Variants in PARD3 observed in about 807,000 individuals in gnomAD.
PARD3 encodes the protein partitioning defective 3 homolog.
In PARD3, 75 loss-of-function variants were observed where a neutral mutation model predicts 155.4. The observed-to-expected ratio is 0.48, with a 90% confidence interval of 0.40 to 0.58. The LOEUF (loss-of-function observed/expected upper bound fraction) is 0.58, where lower values mean the gene tolerates loss of function less well. Among genes scored for constraint, PARD3 ranks in the 20% least tolerant of loss-of-function variants. The pLI is 0.00. For synonymous variants in PARD3, 576 were observed against 610.5 expected (o/e 0.94, Z 0.83); for missense variants, 1,642 against 1,721.7 (o/e 0.95, Z 0.82).
intron 22 of PARD3, among the ~76,000 whole-genome samples, chr10:34,153,925 T>C (rs1326355352): frequency 6.6e-6 from 1 of 152,194 alleles, no homozygotes; most frequent in African/African-American, 2.4e-5. Flanking sequence ...CAAGAAACAA[T>C]TAACAGAGGA....
At chr10:34,736,653 A>T (rs28732374) in intron 1 of PARD3, among the ~76,000 whole-genome samples, 2,915 of 146,302 alleles carry the variant, frequency 0.02, 59 homozygotes, top group African/African-American at 0.058. Flanking sequence ...TTAATTAATT[A>T]ATTTATTTAT....
At chr10:34,489,554 G>C (rs1429610513) in intron 3 of PARD3, among the ~76,000 whole-genome samples, 1 of 152,174 alleles carries the variant, frequency 6.6e-6, no homozygotes, top group African/African-American at 2.4e-5. Context: ...GATTAATAAA[G>C]CCATTTGGCA....
chr10:34,688,105 G>A (rs1466183694), intron 2 of PARD3, among the ~76,000 whole-genome samples: 1 of 151,972 alleles, frequency 6.6e-6, no homozygotes, highest in Non-Finnish European at 1.5e-5. Context: ...CACCCGCTTT[G>A]GCCTCCCAAA....
intron 5 of PARD3, among the ~76,000 whole-genome samples, chr10:34,417,311 A>G (rs1489645391): frequency 6.6e-6 from 1 of 152,220 alleles, no homozygotes; most frequent in Non-Finnish European, 1.5e-5. Flanking sequence ...GTATTCAGGT[A>G]AGAATGAATT....
chr10:34,401,803 A>T, intron 6 of PARD3, 23 bp downstream of exon 6: 1 of 1,470,734 alleles, frequency 6.8e-7, no homozygotes, highest in Non-Finnish European at 9.5e-7. Flanking sequence ...CTGCAAACTT[A>T]GTTGAAACCA....
At chr10:34,534,271 A>C (rs2083066332) in intron 2 of PARD3, among the ~76,000 whole-genome samples, 2 of 152,010 alleles carry the variant, frequency 1.3e-5, no homozygotes, top group African/African-American at 4.8e-5. Flanking sequence ...ATCTCAAAAA[A>C]AAAAAAAGAC....
intron 22 of PARD3, among the ~76,000 whole-genome samples, chr10:34,136,315 G>A (rs1376376169): frequency 6.6e-6 from 1 of 152,144 alleles, no homozygotes; most frequent in Non-Finnish European, 1.5e-5. Context: ...CAGGCTTGAA[G>A]TCTCACCTAT....
chr10:34,602,353 C>T (rs1040095758), intron 2 of PARD3, among the ~76,000 whole-genome samples: 1 of 152,080 alleles, frequency 6.6e-6, no homozygotes, highest in Non-Finnish European at 1.5e-5. Context: ...TAATGGAAAA[C>T]TTTCACTGAA....
At chr10:34,209,383 G>A (rs964394868) in intron 22 of PARD3, among the ~76,000 whole-genome samples, 1 of 152,210 alleles carries the variant, frequency 6.6e-6, no homozygotes, top group Non-Finnish European at 1.5e-5. Context: ...AGGCAGAGCT[G>A]ATGTGGAGAT....
chr10:34,747,727 A>G (rs2133926872), intron 1 of PARD3, among the ~76,000 whole-genome samples: 1 of 152,306 alleles, frequency 6.6e-6, no homozygotes, highest in Middle Eastern at 3.4e-3. Context: ...ATGACTAACA[A>G]CGATTTAAAA....
chr10:34,130,525 A>T (rs1947550383), intron 23 of PARD3, among the ~76,000 whole-genome samples: 1 of 152,100 alleles, frequency 6.6e-6, no homozygotes. Context: ...TTCACCTCTA[A>T]CAGACTCACT....
chr10:34,317,453 G>A, intron 19 of PARD3, 115 bp from the exon 20 acceptor site: 1 of 1,059,298 alleles, frequency 9.4e-7, no homozygotes, highest in Non-Finnish European at 1.3e-6. Context: ...GTATGGCCCT[G>A]CTAGCAACAT....
chr10:34,617,857 T>C (rs942737329), intron 2 of PARD3, among the ~76,000 whole-genome samples: 4 of 152,124 alleles, frequency 2.6e-5, no homozygotes, highest in Admixed American at 6.5e-5. Context: ...ATCAAAATTA[T>C]ACATTTATTT....
At chr10:34,500,118 C>CA (rs1276522186) in intron 3 of PARD3, among the ~76,000 whole-genome samples, 7 of 152,214 alleles carry the variant, frequency 4.6e-5, no homozygotes, top group Admixed American at 4.6e-4. Flanking sequence ...TTGCTGAATG[C>CA]AAAGCATCAA....
At chr10:34,316,598 T>C (rs1172983343) in intron 20 of PARD3, among the ~76,000 whole-genome samples, 1 of 152,204 alleles carries the variant, frequency 6.6e-6, no homozygotes, top group Non-Finnish European at 1.5e-5. Context: ...GCTCTATGTT[T>C]AAATTTAAAT....
At chr10:34,462,989 GAGGAAAGAGAATGGGGAGGGGAAGGGT>G (rs1404300035) in intron 4 of PARD3, among the ~76,000 whole-genome samples, 1 of 90,814 alleles carries the variant, frequency 1.1e-5, no homozygotes, top group African/African-American at 4.4e-5. Context: ...AGGGGAAGGG[GAGGAAAGAGAATGGGGAGGGGAAGGGT>G]AGGAAAGGGA....
At chr10:34,620,303 C>T (rs776266396) in intron 2 of PARD3, among the ~76,000 whole-genome samples, 2 of 152,128 alleles carry the variant, frequency 1.3e-5, no homozygotes, top group African/African-American at 4.8e-5. Context: ...ATTTGTGATC[C>T]CAGATCCCAT....
intron 1 of PARD3, among the ~76,000 whole-genome samples, chr10:34,809,930 C>T (rs1379667617): frequency 1.3e-5 from 2 of 152,182 alleles, no homozygotes; most frequent in Non-Finnish European, 2.9e-5. Context: ...TTTCAATACG[C>T]TTGTAAATGA....
rs143623521 is a variant in PARD3 at position 34,680,627 on chromosome 10, G to T, written c.222+15691C>A. On this transcript the variant is annotated intron_variant, in intron 2 of 24. Coordinates refer to ENST00000374788, the MANE Select transcript of PARD3 (RefSeq NM_001184785.2). ...AGGGGGAAAGATAAAGAAAGAAAAC[G>T]TTCAAGGTAACAAGAGGCATGGAAT... 9.6e-3 allele frequency among the ~76,000 whole-genome samples: 1,447 copies of T among 151,414 alleles called. 25 individuals carry two copies. Among genetic ancestry groups the T allele is most frequent in the African/African-American group, 0.032 (1,330 of 41,240 alleles).
Sources: allele counts gnomAD v4.1 joint callset (sites outside exome capture counted in the v4.1 genomes callset), GRCh38; gene constraint gnomAD v4.1.1; transcripts MANE v1.5; gene names NCBI Gene and HGNC (gene_info 2026-07-23, HGNC 2026-07-21).